Variants in TENM4 observed in about 807,000 individuals in gnomAD.
TENM4 encodes the protein teneurin-4.
In TENM4, 82 loss-of-function variants were observed where a neutral mutation model predicts 243.3. The ratio of observed to expected loss-of-function variants is 0.34; its 90% CI spans 0.28 to 0.40. The LOEUF is 0.40. TENM4 is among the 10% of genes least tolerant of loss of function. TENM4 has a pLI of 1.00. For missense variants in TENM4, 3,138 were observed against 3,673.3 expected (o/e 0.85, Z 3.77); for synonymous variants, 1,412 against 1,456.3 (o/e 0.97, Z 0.69).
intron 1 of TENM4, among the ~76,000 whole-genome samples, chr11:79,431,029 A>T (rs576467125): frequency 6.6e-6 from 1 of 152,322 alleles, no homozygotes; most frequent in South Asian, 2.1e-4. Context: ...CACCGTTGCC[A>T]ATTTTCTTAG....
chr11:78,955,492 A>G lies in TENM4; in HGVS notation c.494-51969T>C, dbSNP rs181196322. Among the ~76,000 whole-genome samples, 3 of 152,306 alleles carry G rather than the reference A, an allele frequency of 2.0e-5. No individual in the cohort carries two copies. The East Asian group carries it at 5.8e-4, about 29-fold the overall frequency. On this transcript the variant is annotated intron_variant, in intron 6 of 33. Coordinates refer to ENST00000278550, the MANE Select transcript of TENM4 (RefSeq NM_001098816.3). ...CAAACTAGGCTTAGTTTCCAGATGG[A>G]GAAAGCCTGGACACATAGCTAATGT...
Position 78,656,926 on chromosome 11 carries a change from T to C in TENM4, c.*1132A>G, listed in dbSNP as rs1857909728. On this transcript the variant is annotated 3_prime_UTR_variant, in exon 34 of 34. Coordinates refer to ENST00000278550, the MANE Select transcript of TENM4 (RefSeq NM_001098816.3). ...GCCTTCCTCTCTTTGGCTGGCTTTT[T>C]TTGTTAAGCATTTTTCCAGAATCAA... 2.5e-6 allele frequency: 1 copy of C among 397,786 alleles called. No individual in the cohort carries two copies. The highest frequency in any genetic ancestry group is 2.1e-5 in the African/African-American group (1 of 48,640). 24.6% of individuals were successfully genotyped at this position (397,786 alleles called of 1,614,324 possible). A position where few individuals can be genotyped will look rare whatever the true frequency, so the allele number is the denominator to read the frequency against.
chr11:79,202,793 T>C (rs1457654182), intron 3 of TENM4, among the ~76,000 whole-genome samples: 1 of 152,194 alleles, frequency 6.6e-6, no homozygotes, highest in Non-Finnish European at 1.5e-5. Context: ...GAGGTGCTCA[T>C]GGCAGTTCTA....
At chr11:78,666,058 T>C (rs1858150643) in intron 32 of TENM4, among the ~76,000 whole-genome samples, 1 of 151,876 alleles carries the variant, frequency 6.6e-6, no homozygotes, top group Admixed American at 6.6e-5. Context: ...AAGAATTTTT[T>C]TTTTGTTGTT....
intron 6 of TENM4, among the ~76,000 whole-genome samples, chr11:79,044,619 C>T (rs192518452): frequency 3.5e-4 from 53 of 152,318 alleles, no homozygotes; most frequent in African/African-American, 1.0e-3. Context: ...TCGTACTAAA[C>T]GCAGGGTGGG....
intron 12 of TENM4, among the ~76,000 whole-genome samples, chr11:78,819,711 T>C (rs1383726760): frequency 1.3e-5 from 2 of 152,170 alleles, no homozygotes; most frequent in African/African-American, 4.8e-5. Flanking sequence ...CCACACTTTA[T>C]CCCTCCCTCC....
intron 1 of TENM4, among the ~76,000 whole-genome samples, chr11:79,359,815 C>T (rs1228634949): frequency 6.6e-6 from 1 of 152,074 alleles, no homozygotes; most frequent in African/African-American, 2.4e-5. Flanking sequence ...GAGGTGGTAT[C>T]CCCAGAGAGC....
At chr11:79,124,885 A>G (rs1035036473) in intron 4 of TENM4, among the ~76,000 whole-genome samples, 15 of 60,348 alleles carry the variant, frequency 2.5e-4, no homozygotes, top group African/African-American at 7.8e-4. Context: ...GTATATATGT[A>G]TATGTATATG....
At chr11:79,029,279 C>T (rs1859165581) in intron 6 of TENM4, among the ~76,000 whole-genome samples, 1 of 152,204 alleles carries the variant, frequency 6.6e-6, no homozygotes. Context: ...AGCTAATACA[C>T]AAGGCATCTT....
chr11:79,400,396 G>A (rs1356427254), intron 1 of TENM4, among the ~76,000 whole-genome samples: 1 of 151,996 alleles, frequency 6.6e-6, no homozygotes, highest in Middle Eastern at 3.4e-3. Flanking sequence ...ACAACTTCAG[G>A]AGTGTCACAG....
chr11:78,662,866 T>C (rs1858065905), intron 32 of TENM4, among the ~76,000 whole-genome samples: 1 of 152,192 alleles, frequency 6.6e-6, no homozygotes, highest in South Asian at 2.1e-4. Context: ...CAAGACCACA[T>C]GCAGAAGGTG....
chr11:79,433,477 C>G (rs760641798), intron 1 of TENM4, among the ~76,000 whole-genome samples: 13 of 152,296 alleles, frequency 8.5e-5, no homozygotes, highest in Middle Eastern at 3.4e-3. Context: ...AACTGCAACC[C>G]TTTTGTTTGA....
rs1857823655 is a variant in TENM4 at position 78,653,683 on chromosome 11, G to A, written c.*4375C>T. ...ACACCTGAGGCTCAGCTCCTGCCAGGACGGCCGAGCGTGCTCCAGACTAGT... is the reference window on the plus strand; with the variant it reads ...ACACCTGAGGCTCAGCTCCTGCCAGAACGGCCGAGCGTGCTCCAGACTAGT... On this transcript the variant is annotated 3_prime_UTR_variant, in exon 34 of 34. Coordinates refer to ENST00000278550, the MANE Select transcript of TENM4 (RefSeq NM_001098816.3). 1 of 152,280 alleles carries A rather than the reference G, an allele frequency of 6.6e-6. No homozygotes were observed. The highest frequency in any genetic ancestry group is 1.5e-5 in the Non-Finnish European group (1 of 68,080). The allele number at this position is 152,280 out of a possible 1,614,324, so 9.4% of individuals were successfully genotyped here.
intron 28 of TENM4, among the ~76,000 whole-genome samples, chr11:78,691,354 T>C (rs1178352288): frequency 6.6e-6 from 1 of 152,198 alleles, no homozygotes; most frequent in Non-Finnish European, 1.5e-5. Context: ...GAATGTTGGC[T>C]GAACAAATAA....
chr11:78,983,129 A>C (rs941852283), intron 6 of TENM4, among the ~76,000 whole-genome samples: 3 of 152,192 alleles, frequency 2.0e-5, no homozygotes, highest in African/African-American at 7.2e-5. Flanking sequence ...AAAATAATTC[A>C]CACTTTTTGA....
At chr11:79,208,154 C>G (rs188681723) in intron 3 of TENM4, among the ~76,000 whole-genome samples, 3 of 152,292 alleles carry the variant, frequency 2.0e-5, no homozygotes, top group Admixed American at 2.0e-4. Context: ...TCATCGGCAT[C>G]TCAATGGCCA....
intron 28 of TENM4, among the ~76,000 whole-genome samples, chr11:78,698,037 G>A (rs1859008580): frequency 6.6e-6 from 1 of 152,178 alleles, no homozygotes; most frequent in Admixed American, 6.5e-5. Flanking sequence ...AAATCAAGGT[G>A]CTCTGAAGTG....
intron 14 of TENM4, among the ~76,000 whole-genome samples, chr11:78,811,230 T>A (rs1218711690): frequency 1.3e-5 from 2 of 152,184 alleles, no homozygotes; most frequent in African/African-American, 4.8e-5. Context: ...TTTTAACAGC[T>A]ACTTTACATT....
At chr11:78,847,502 A>G (rs1858425974) in intron 12 of TENM4, among the ~76,000 whole-genome samples, 1 of 152,186 alleles carries the variant, frequency 6.6e-6, no homozygotes, top group Non-Finnish European at 1.5e-5. Flanking sequence ...CCTCAGCAGA[A>G]TTTTAGCCAC....
Sources: allele counts gnomAD v4.1 joint callset (sites outside exome capture counted in the v4.1 genomes callset), GRCh38; gene constraint gnomAD v4.1.1; transcripts MANE v1.5; gene names NCBI Gene and HGNC (gene_info 2026-07-23, HGNC 2026-07-21).